Variants in CACHD1 observed in about 807,000 individuals in gnomAD.
The protein encoded by CACHD1 is cache domain containing 1, also known as VWFA and cache domain-containing protein 1.
CACHD1 carries 71 observed loss-of-function variants against 138.7 expected under a neutral mutation model. That is an observed-to-expected ratio of 0.51 (90% confidence interval 0.42 to 0.62). The LOEUF (loss-of-function observed/expected upper bound fraction) is 0.62, where lower values mean the gene tolerates loss of function less well. CACHD1 is among the 20% of genes least tolerant of loss of function. CACHD1 has a pLI of 0.00. For missense variants in CACHD1, 1,389 were observed against 1,625.3 expected (o/e 0.85, Z 2.50); for synonymous variants, 578 against 591.5 (o/e 0.98, Z 0.33).
intron 12 of CACHD1, among the ~76,000 whole-genome samples, chr1:64,657,724 A>G (rs1450481227): frequency 2.0e-5 from 3 of 152,152 alleles, no homozygotes; most frequent in African/African-American, 7.2e-5. Context: ...CCTAGTTAAA[A>G]TTTTATCCTT....
intron 1 of CACHD1, among the ~76,000 whole-genome samples, chr1:64,481,512 G>C (rs1646211405): frequency 6.6e-6 from 1 of 152,336 alleles, no homozygotes; most frequent in South Asian, 2.1e-4. Context: ...CAAACGCAGA[G>C]AGTGCAGCTG....
intron 19 of CACHD1, 60 bp from the exon 20 acceptor site, chr1:64,675,341 A>G (rs1463360773): frequency 7.2e-7 from 1 of 1,383,608 alleles, no homozygotes; most frequent in Non-Finnish European, 9.9e-7. Flanking sequence ...GTTTTCACCA[A>G]GGTAGGGCTG....
At chr1:64,597,403 G>T (rs981440121) in intron 3 of CACHD1, among the ~76,000 whole-genome samples, 5 of 152,008 alleles carry the variant, frequency 3.3e-5, no homozygotes, top group African/African-American at 1.2e-4. Context: ...GCCAGGCAGG[G>T]AGTGAATTTC....
intron 26 of CACHD1, among the ~76,000 whole-genome samples, chr1:64,685,847 C>CAA (rs371274505): frequency 1.1e-4 from 13 of 120,710 alleles, no homozygotes; most frequent in African/African-American, 4.0e-4. Context: ...AGGGCTGTCT[C>CAA]AAAAAAAAAA....
chr1:64,619,923 GA>G, intron 4 of CACHD1, among the ~76,000 whole-genome samples: 1 of 152,252 alleles, frequency 6.6e-6, no homozygotes, highest in East Asian at 1.9e-4. Context: ...TTTGTAAAAT[GA>G]CAGTAATTAT....
chr1:64,654,866 G>C lies in CACHD1; in HGVS notation c.1782+63G>C, dbSNP rs542914249. ...AGGGTACAGTGCTCTTCTTCATGTT[G>C]GAATTCTCAGCCAGGGGGTGGCACT... On this transcript the variant is annotated intron_variant, in intron 12 of 26. Coordinates refer to ENST00000651257, the MANE Select transcript of CACHD1 (RefSeq NM_020925.4). 1.4e-3 allele frequency: 1,741 copies of C among 1,241,600 alleles called. 34 individuals are homozygous for C. The South Asian group carries it at 0.021, about 15-fold the overall frequency. 76.9% of individuals were successfully genotyped at this position (1,241,600 alleles called of 1,614,324 possible).
At chr1:64,682,876 T>C (rs192472957) in intron 26 of CACHD1, among the ~76,000 whole-genome samples, 1 of 148,230 alleles carries the variant, frequency 6.7e-6, no homozygotes, top group African/African-American at 2.6e-5. Context: ...ATGTGGGTAG[T>C]GTTTTTCCTG....
chr1:64,626,142 G>A (rs1412077384), intron 4 of CACHD1, among the ~76,000 whole-genome samples: 2 of 152,170 alleles, frequency 1.3e-5, no homozygotes, highest in Admixed American at 1.3e-4. Context: ...TTAACAATTA[G>A]CCTAAAATGA....
chr1:64,684,363 C>CTTTTTTTTTTTTTTTTTTTTTTTTTT (rs397980387), intron 26 of CACHD1, among the ~76,000 whole-genome samples: 21 of 54,962 alleles, frequency 3.8e-4, no homozygotes, highest in East Asian at 6.4e-4. Flanking sequence ...TCTTCTTCTT[C>CTTTTTTTTTTTTTTTTTTTTTTTTTT]TTTTTTTTTT....
chr1:64,655,987 C>T (rs1649249594), intron 12 of CACHD1, among the ~76,000 whole-genome samples: 1 of 152,230 alleles, frequency 6.6e-6, no homozygotes. Context: ...GACACTCTCT[C>T]TGCCTTCATA....
intron 4 of CACHD1, among the ~76,000 whole-genome samples, chr1:64,620,585 A>T (rs1364843806): frequency 6.6e-6 from 1 of 152,176 alleles, no homozygotes; most frequent in African/African-American, 2.4e-5. Context: ...CCATCAAAGA[A>T]ATCATGGCCA....
chr1:64,477,625 TTTTATTTTA>T lies in CACHD1; in HGVS notation c.198+6687_198+6695del, dbSNP rs1557455079. On this transcript the variant is annotated intron_variant, in intron 1 of 26. Transcript: ENST00000651257. ...ATTATTATTATTATTATTATTATTATTTTATTTTATTTTTTTTTTTGAGACGGAGTCTCG... is the reference window on the plus strand; with the variant it reads ...ATTATTATTATTATTATTATTATTATTTTTTTTTTTTGAGACGGAGTCTCG... 1.0e-3 allele frequency among the ~76,000 whole-genome samples: 127 copies of T among 125,680 alleles called. 3 individuals are homozygous for T. The East Asian group carries it at 0.026, about 26-fold the overall frequency. The allele number at this position is 125,680 out of a possible 152,430, so 82.5% of individuals were successfully genotyped here.
intron 1 of CACHD1, among the ~76,000 whole-genome samples, chr1:64,516,827 A>T (rs1224962562): frequency 6.6e-6 from 1 of 152,196 alleles, no homozygotes; most frequent in Admixed American, 6.5e-5. Flanking sequence ...TTGCTGGAGC[A>T]ATTCTTTCTT....
intron 1 of CACHD1, among the ~76,000 whole-genome samples, chr1:64,542,073 G>A (rs906146220): frequency 6.7e-6 from 1 of 150,122 alleles, no homozygotes; most frequent in Non-Finnish European, 1.5e-5. Flanking sequence ...TCATAATGGT[G>A]TGTGAAGTAC....
At chr1:64,547,167 T>G (rs1445715650) in intron 1 of CACHD1, among the ~76,000 whole-genome samples, 2 of 152,212 alleles carry the variant, frequency 1.3e-5, no homozygotes, top group Non-Finnish European at 2.9e-5. Flanking sequence ...GCCTACCACA[T>G]ACAGTTGTTA....
rs75912331 is a variant in CACHD1, at chr1:64,578,064, C to T, written c.262-4092C>T. Among the ~76,000 whole-genome samples, 1,012 of 152,298 alleles carry T rather than the reference C, an allele frequency of 6.6e-3. 5 individuals carry two copies. The highest frequency in any genetic ancestry group is 0.01 in the Non-Finnish European group (711 of 68,034). On this transcript the variant is annotated intron_variant, in intron 2 of 26. Transcript: ENST00000651257. Reference sequence around the variant, plus strand: ...GGACCTTTTAACATTCTGCTCTTTGCCTTGTTTGATTATGTTAACAGAAAT... The same window carrying T: ...GGACCTTTTAACATTCTGCTCTTTGTCTTGTTTGATTATGTTAACAGAAAT...
At chr1:64,546,244 T>G (rs1646717311) in intron 1 of CACHD1, among the ~76,000 whole-genome samples, 1 of 152,114 alleles carries the variant, frequency 6.6e-6, no homozygotes, top group African/African-American at 2.4e-5. Context: ...CTGCCTACCC[T>G]AACCCTGTTA....
chr1:64,687,163 G>T (rs1283058216), intron 26 of CACHD1, among the ~76,000 whole-genome samples: 2 of 152,180 alleles, frequency 1.3e-5, no homozygotes. Context: ...GAAAGTGTTT[G>T]CAAATATCCT....
chr1:64,691,779 G>A lies in CACHD1; in HGVS notation c.*218G>A. The A allele has an allele frequency of 3.5e-6, 2 of 567,634 alleles. No homozygotes were observed. Among genetic ancestry groups the A allele is most frequent in the Non-Finnish European group, 6.3e-6 (2 of 317,064 alleles). 35.2% of individuals were successfully genotyped at this position (567,634 alleles called of 1,614,324 possible). On this transcript the variant is annotated 3_prime_UTR_variant, in exon 27 of 27. Transcript: ENST00000651257. ...GATGTGAGGCTGGTTCTGAAATGGA[G>A]GGGAAATAAGCCTGATGAACAGACC...
Sources: gnomAD v4.1 joint callset for allele counts (sites outside exome capture counted in the v4.1 genomes callset) on GRCh38, gnomAD v4.1.1 for gene constraint, MANE v1.5 for transcripts, NCBI Gene and HGNC (gene_info 2026-07-23, HGNC 2026-07-21) for gene names.